Variants in TENM2 observed in about 807,000 individuals in gnomAD.
TENM2 encodes the protein teneurin-2.
Under a neutral mutation model 245.2 loss-of-function variants are expected in TENM2, and 52 were observed. The ratio of observed to expected loss-of-function variants is 0.21; its 90% CI spans 0.17 to 0.27. The LOEUF (loss-of-function observed/expected upper bound fraction) is 0.27. Among genes scored for constraint, TENM2 ranks in the 10% least tolerant of loss-of-function variants. The pLI, the probability that TENM2 is intolerant of heterozygous loss-of-function variation, is 1.00. For missense variants in TENM2, 3,046 were observed against 3,666.8 expected (o/e 0.83, Z 4.37); for synonymous variants, 1,363 against 1,438.9 (o/e 0.95, Z 1.19).
At chr5:167,416,989 A>G (rs1194806328) in intron 2 of TENM2, among the ~76,000 whole-genome samples, 1 of 152,132 alleles carries the variant, frequency 6.6e-6, no homozygotes, top group Non-Finnish European at 1.5e-5. Context: ...TGTTTTATCC[A>G]TTGTTAACTC....
chr5:167,683,815 C>T (rs1311885652), intron 2 of TENM2, among the ~76,000 whole-genome samples: 1 of 152,158 alleles, frequency 6.6e-6, no homozygotes, highest in Non-Finnish European at 1.5e-5. Context: ...AATGGCCTGC[C>T]AGCTTCACTC....
chr5:167,994,046 G>T (rs996304853), intron 5 of TENM2, among the ~76,000 whole-genome samples: 1 of 152,266 alleles, frequency 6.6e-6, no homozygotes, highest in Non-Finnish European at 1.5e-5. Flanking sequence ...CCAACAAAGA[G>T]CCCCAAGGCT....
chr5:167,168,360 A>G, the TENM2 span: 4 of 152,192 alleles, frequency 2.6e-5, no homozygotes, highest in African/African-American at 9.7e-5. Flanking sequence ...CTCTGTATTC[A>G]CCAGCTGTCT....
chr5:167,856,365 A>G (rs1771099549), intron 2 of TENM2, among the ~76,000 whole-genome samples: 1 of 152,158 alleles, frequency 6.6e-6, no homozygotes, highest in Non-Finnish European at 1.5e-5. Context: ...ATGGGTTATT[A>G]TGTTGGGAAT....
At chr5:168,043,807 C>T (rs544826097) in intron 5 of TENM2, among the ~76,000 whole-genome samples, 2 of 152,310 alleles carry the variant, frequency 1.3e-5, no homozygotes, top group African/African-American at 4.8e-5. Flanking sequence ...CTGAATTCAA[C>T]AGTATAAAGA....
chr5:168,090,443 A>G, intron 7 of TENM2, 131 bp from the exon 10 acceptor site: 1 of 654,548 alleles, frequency 1.5e-6, no homozygotes, highest in Non-Finnish European at 2.5e-6. Flanking sequence ...GTTTTCCTGG[A>G]TAAGTTCATA....
chr5:167,515,169 AAT>A (rs2127574505), intron 2 of TENM2, among the ~76,000 whole-genome samples: 1 of 152,308 alleles, frequency 6.6e-6, no homozygotes, highest in African/African-American at 2.4e-5. Flanking sequence ...TCTGATAGAT[AAT>A]GTCATTGGCA....
At chr5:167,373,325 T>G (rs1452531622) in intron 1 of TENM2, among the ~76,000 whole-genome samples, 1 of 152,194 alleles carries the variant, frequency 6.6e-6, no homozygotes, top group Non-Finnish European at 1.5e-5. Flanking sequence ...TAAAAAATGA[T>G]ATCGAGTATG....
intron 7 of TENM2, among the ~76,000 whole-genome samples, chr5:168,066,395 TTAAACA>T (rs1463172775): frequency 6.6e-6 from 1 of 152,170 alleles, no homozygotes; most frequent in East Asian, 1.9e-4. Flanking sequence ...CCCTAATGAC[TTAAACA>T]TAAAACGTTA....
intron 2 of TENM2, among the ~76,000 whole-genome samples, chr5:167,402,986 G>T (rs1443160511): frequency 6.6e-6 from 1 of 152,052 alleles, no homozygotes; most frequent in African/African-American, 2.4e-5. Context: ...ACACAGGAAG[G>T]CCTGAAAGCT....
At chr5:167,389,134 C>T (rs1761610105) in intron 2 of TENM2, among the ~76,000 whole-genome samples, 1 of 151,592 alleles carries the variant, frequency 6.6e-6, no homozygotes, top group South Asian at 2.1e-4. Context: ...CTTTATGCTG[C>T]CCAAAGTAAG....
chr5:167,334,060 T>A (rs187887739), intron 1 of TENM2, among the ~76,000 whole-genome samples: 6 of 152,184 alleles, frequency 3.9e-5, no homozygotes, highest in Non-Finnish European at 5.9e-5. Flanking sequence ...ATTTATTGAA[T>A]CTTTCCTGTG....
chr5:167,508,439 G>A (rs1044302378), intron 2 of TENM2, among the ~76,000 whole-genome samples: 2 of 152,158 alleles, frequency 1.3e-5, no homozygotes, highest in African/African-American at 2.4e-5. Flanking sequence ...AGTTATGAGT[G>A]TAAACCTCAG....
intron 2 of TENM2, among the ~76,000 whole-genome samples, chr5:167,385,953 G>A (rs1355004365): frequency 4.0e-5 from 6 of 149,950 alleles, no homozygotes; most frequent in African/African-American, 1.2e-4. Flanking sequence ...TTGGTTCCAC[G>A]TTTTTGCAAT....
At position 167,300,839 on chromosome 5, in the gene TENM2, A is replaced by G. The variant is rs116329261; in HGVS notation, c.226+15776A>G. ...AGCCCAGGAATAGTCAGGGAAGCCC[A>G]TAACTTAGTTAAAGTGTCTCGGCCT... On this transcript the variant is annotated intron_variant, in intron 1 of 28. Transcript: ENST00000518659. Among the ~76,000 whole-genome samples the G allele has an allele frequency of 5.8e-3, 884 of 152,280 alleles. 9 individuals are homozygous for G. The highest frequency in any genetic ancestry group is 0.02 in the African/African-American group (846 of 41,558).
chr5:167,377,238 C>A (rs980094478), intron 2 of TENM2, among the ~76,000 whole-genome samples: 2 of 151,984 alleles, frequency 1.3e-5, no homozygotes, highest in Non-Finnish European at 2.9e-5. Flanking sequence ...TTTGAAACAT[C>A]GTATTTGAAT....
At chr5:168,007,200 C>T (rs1784890158) in intron 5 of TENM2, among the ~76,000 whole-genome samples, 1 of 151,848 alleles carries the variant, frequency 6.6e-6, no homozygotes, top group African/African-American at 2.4e-5. Context: ...GATCTCGGCT[C>T]ACTGCAACAC....
rs200132425 is a variant in TENM2, at chr5:168,218,899, G to C, written c.5008G>C (p.Val1670Leu). The change falls in exon 23 of 29, where the codon GTG becomes CTG. Residue 1670 changes from valine to leucine, a missense_variant. Physicochemically the swap from Val to Leu is conservative, Grantham distance 32. Transcript: ENST00000518659. This position sits in a 1 kb window ranked among gnomAD's most constrained non-coding sequence, Gnocchi z 5.2. Reference sequence around the variant, plus strand: ...GGGCACCAATGGAGGCCTCAAAGTCGTGTCCACACAGAACCTGGAGCTTGG... The same window carrying C: ...GGGCACCAATGGAGGCCTCAAAGTCCTGTCCACACAGAACCTGGAGCTTGG... The C allele has an allele frequency of 9.9e-6, 16 of 1,613,992 alleles. No homozygotes were observed. The highest frequency in any genetic ancestry group is 1.4e-5 in the Non-Finnish European group (16 of 1,179,880).
intron 3 of TENM2, chr5:167,935,003 T>C: frequency 2.5e-6 from 2 of 789,260 alleles, no homozygotes; most frequent in Non-Finnish European, 3.1e-6. Flanking sequence ...AGGTGTCATT[T>C]TAGTTGTGCC....
Sources: allele counts gnomAD v4.1 joint callset (sites outside exome capture counted in the v4.1 genomes callset), GRCh38; gene constraint gnomAD v4.1.1; non-coding constraint Gnocchi (gnomAD v3.1); transcripts MANE v1.5; gene names NCBI Gene and HGNC (gene_info 2026-07-23, HGNC 2026-07-21).